Variants in ZDHHC14 observed in about 807,000 individuals in gnomAD.
ZDHHC14 encodes the protein palmitoyltransferase ZDHHC14.
ZDHHC14 carries 16 observed loss-of-function variants against 47.7 expected under a neutral mutation model. The observed-to-expected ratio is 0.34, with a 90% CI of 0.23 to 0.51. The LOEUF (loss-of-function observed/expected upper bound fraction) is 0.51. ZDHHC14 is among the 20% of genes least tolerant of loss of function. The pLI, the probability that ZDHHC14 is intolerant of heterozygous loss-of-function variation, is 0.97. For synonymous variants in ZDHHC14, 293 were observed against 278.9 expected, an observed-to-expected ratio of 1.05 and a Z score of -0.50; for missense variants, 515 against 662.5, an observed-to-expected ratio of 0.78 and a Z score of 2.44.
chr6:157,413,074 C>A (rs911383975), intron 1 of ZDHHC14, among the ~76,000 whole-genome samples: 1 of 152,102 alleles, frequency 6.6e-6, no homozygotes, highest in Admixed American at 6.6e-5. Context: ...GTGAGGGAGA[C>A]GGTGAATGAG....
intron 3 of ZDHHC14, among the ~76,000 whole-genome samples, chr6:157,601,043 C>T (rs1287184721): frequency 2.0e-5 from 3 of 152,182 alleles, no homozygotes; most frequent in Non-Finnish European, 4.4e-5. Context: ...TCGGGAGAGG[C>T]CCTGACTGCA....
At chr6:157,584,944 G>A (rs1384223838) in intron 2 of ZDHHC14, among the ~76,000 whole-genome samples, 3 of 152,098 alleles carry the variant, frequency 2.0e-5, no homozygotes, top group Non-Finnish European at 4.4e-5. Context: ...GTGGCTCATG[G>A]CTGTAATCCC....
intron 2 of ZDHHC14, among the ~76,000 whole-genome samples, chr6:157,569,045 A>C (rs1392812634): frequency 1.3e-5 from 2 of 151,992 alleles, no homozygotes; most frequent in Admixed American, 1.3e-4. Context: ...ATTTTTATGA[A>C]GTTTTTTTGA....
At chr6:157,496,825 C>T (rs1047258794) in intron 1 of ZDHHC14, among the ~76,000 whole-genome samples, 1 of 152,244 alleles carries the variant, frequency 6.6e-6, no homozygotes, top group African/African-American at 2.4e-5. Flanking sequence ...CCTAGGAATC[C>T]AATACACACG....
In ZDHHC14 at chr6:157,542,620, T is replaced by C; in HGVS notation, c.281T>C (p.Ile94Thr). The C allele has an allele frequency of 6.2e-7, 1 of 1,614,194 alleles. No homozygotes were observed. The highest frequency in any genetic ancestry group is 8.5e-7 in the Non-Finnish European group (1 of 1,180,028). ...PYLAVKITPA[I>T]PAVAGILFFF... Reference sequence around the variant, plus strand: ...CTGGCGGTGAAAATCACCCCTGCCATCCCTGCAGTCGCTGGCATCCTGTTC... The same window carrying C: ...CTGGCGGTGAAAATCACCCCTGCCACCCCTGCAGTCGCTGGCATCCTGTTC... Residue 94 changes from isoleucine (I) to threonine (T), a missense_variant, in exon 2 of 9, where the codon ATC becomes ACC. By Grantham distance (89) the Ile-to-Thr change is moderately conservative. This residue lies in a region of ZDHHC14 where 229 missense variants were observed against 351.5 expected (regional missense o/e 0.65). Transcript: ENST00000359775.
At chr6:157,637,209 T>C (rs563146086) in intron 5 of ZDHHC14, among the ~76,000 whole-genome samples, 30 of 152,246 alleles carry the variant, frequency 2.0e-4, no homozygotes, top group African/African-American at 6.7e-4. Context: ...GCTTTGGAGG[T>C]GGCATGGGAA....
At chr6:157,396,568 C>T (rs1777526882) in intron 1 of ZDHHC14, among the ~76,000 whole-genome samples, 1 of 152,220 alleles carries the variant, frequency 6.6e-6, no homozygotes, top group South Asian at 2.1e-4. Context: ...TTTCCTGCCT[C>T]TCTTTAAGAT....
chr6:157,507,018 C>CTCAG (rs1780344026), intron 1 of ZDHHC14, among the ~76,000 whole-genome samples: 3 of 152,170 alleles, frequency 2.0e-5, no homozygotes, highest in Admixed American at 1.3e-4. Flanking sequence ...GCCCCCTACT[C>CTCAG]TCAGTTTCAA....
At position 157,530,897 on chromosome 6, in the gene ZDHHC14, TA is replaced by T. The variant is rs538397957; in HGVS notation, c.246-11678del. Among the ~76,000 whole-genome samples the T allele has an allele frequency of 4.1e-3, 623 of 150,648 alleles. 3 individuals carry two copies. Among genetic ancestry groups the T allele is most frequent in the Middle Eastern group, 0.037 (11 of 294 alleles). ...TTGAGGTTTATGATGACGGATATGTTAAAAAAAAAATCTTCAATTCCTCTTT... is the reference window on the plus strand; with the variant it reads ...TTGAGGTTTATGATGACGGATATGTTAAAAAAAAATCTTCAATTCCTCTTT... On this transcript the variant is annotated intron_variant, in intron 1 of 8. Transcript: ENST00000359775.
intron 1 of ZDHHC14, among the ~76,000 whole-genome samples, chr6:157,474,199 C>A (rs9347292): frequency 0.27 from 41,046 of 151,946 alleles, 6,215 homozygotes; most frequent in East Asian, 0.48. Flanking sequence ...CCATGTTGGT[C>A]AGGCTGGTCT....
chr6:157,620,053 A>C (rs754994334), intron 3 of ZDHHC14, among the ~76,000 whole-genome samples: 1 of 152,356 alleles, frequency 6.6e-6, no homozygotes, highest in Non-Finnish European at 1.5e-5. Flanking sequence ...CATACCTGAT[A>C]CATTGCTTTA....
At position 157,479,889 on chromosome 6, in the gene ZDHHC14, C is replaced by T. The variant is rs572107770; in HGVS notation, c.246-62696C>T. Among the ~76,000 whole-genome samples, 387 of 152,334 alleles carry T rather than the reference C, an allele frequency of 2.5e-3. 3 individuals carry two copies. The highest frequency in any genetic ancestry group is 0.01 in the Middle Eastern group (3 of 294). ...TGGTTTCAATGTGAATCTGATCAGACAAGCCTTCCCACCTCCATGAGTGAA... is the reference window on the plus strand; with the variant it reads ...TGGTTTCAATGTGAATCTGATCAGATAAGCCTTCCCACCTCCATGAGTGAA... On this transcript the variant is annotated intron_variant, in intron 1 of 8. Coordinates refer to ENST00000359775, the MANE Select transcript of ZDHHC14 (RefSeq NM_024630.3).
At chr6:157,383,150 G>A (rs556145035) in intron 1 of ZDHHC14, among the ~76,000 whole-genome samples, 1 of 152,360 alleles carries the variant, frequency 6.6e-6, no homozygotes, top group South Asian at 2.1e-4. Context: ...TTATTTATTA[G>A]CAGTGATTAG....
At chr6:157,512,087 A>G (rs1780511626) in intron 1 of ZDHHC14, among the ~76,000 whole-genome samples, 1 of 152,198 alleles carries the variant, frequency 6.6e-6, no homozygotes, top group East Asian at 1.9e-4. Context: ...CAAATGCTTT[A>G]TATGTATTAT....
At chr6:157,629,070 CT>C (rs1785555364) in intron 4 of ZDHHC14, among the ~76,000 whole-genome samples, 1 of 152,222 alleles carries the variant, frequency 6.6e-6, no homozygotes. Context: ...CTAACTACCC[CT>C]GGCATATATA....
At chr6:157,401,292 A>G (rs1344649053) in intron 1 of ZDHHC14, among the ~76,000 whole-genome samples, 1 of 152,248 alleles carries the variant, frequency 6.6e-6, no homozygotes, top group African/African-American at 2.4e-5. Context: ...ACTTTTCAAA[A>G]TAATACTTTT....
chr6:157,387,041 C>T lies in ZDHHC14; in HGVS notation c.245+4775C>T, dbSNP rs556514542. On this transcript the variant is annotated intron_variant, in intron 1 of 8. Coordinates refer to ENST00000359775, the MANE Select transcript of ZDHHC14 (RefSeq NM_024630.3). ...GCTTAGATCTGGGGCTTGACTGGGT[C>T]TCCGCATTCTACACTGCCACCACAG... Among the ~76,000 whole-genome samples the T allele has an allele frequency of 3.2e-4, 48 of 152,276 alleles. No individual in the cohort carries two copies. In the South Asian group the frequency reaches 9.3e-3, roughly 30 times the overall value.
chr6:157,382,884 G>A (rs917606036), intron 1 of ZDHHC14, among the ~76,000 whole-genome samples: 2 of 152,188 alleles, frequency 1.3e-5, no homozygotes, highest in Non-Finnish European at 2.9e-5. Flanking sequence ...TTGCCATGAG[G>A]TTTCTAAACT....
intron 1 of ZDHHC14, among the ~76,000 whole-genome samples, chr6:157,402,112 GA>G (rs1362404292): frequency 5.3e-5 from 8 of 150,144 alleles, no homozygotes; most frequent in Non-Finnish European, 1.0e-4. Context: ...TTCACCTGCT[GA>G]GATCACACTG....
Sources: allele counts gnomAD v4.1 joint callset (sites outside exome capture counted in the v4.1 genomes callset), GRCh38; gene constraint gnomAD v4.1.1; regional missense constraint gnomAD v4.1.1; transcripts MANE v1.5; gene names NCBI Gene and HGNC (gene_info 2026-07-23, HGNC 2026-07-21).